SPMIP2: variants seen among roughly 807,000 people sequenced by gnomAD.
SPMIP2 encodes protein SPMIP2.
chr4:158,928,975 C>G, the SPMIP2 span, among the ~76,000 whole-genome samples: 1 of 152,162 alleles, frequency 6.6e-6, no homozygotes, highest in African/African-American at 2.4e-5. Flanking sequence ...ACTCCAGACG[C>G]GCCACCTTAA....
chr4:159,008,626 G>T, the SPMIP2 span, among the ~76,000 whole-genome samples: 15 of 152,156 alleles, frequency 9.9e-5, no homozygotes, highest in African/African-American at 3.4e-4. Flanking sequence ...CCCATTTTAA[G>T]CAGCTGGTAA....
At chr4:158,904,426 C>T in the SPMIP2 span, 25 of 1,482,138 alleles carry the variant, frequency 1.7e-5, no homozygotes, top group African/African-American at 2.8e-4. Context: ...TAAAACCATG[C>T]TCTTTTAAAG....
the SPMIP2 span, among the ~76,000 whole-genome samples, chr4:158,981,491 G>A: frequency 6.6e-6 from 1 of 152,186 alleles, no homozygotes; most frequent in African/African-American, 2.4e-5. Context: ...ATGCCCATCA[G>A]ACTCACAGTG....
the SPMIP2 span, among the ~76,000 whole-genome samples, chr4:158,946,021 C>T: frequency 2.6e-5 from 4 of 152,274 alleles, no homozygotes; most frequent in East Asian, 5.8e-4. Flanking sequence ...GTAAGAGATA[C>T]AGGTCTCTCC....
chr4:158,893,674 A>C, the SPMIP2 span: 1 of 1,582,360 alleles, frequency 6.3e-7, no homozygotes, highest in Non-Finnish European at 8.6e-7. Flanking sequence ...CTCCTTCTAA[A>C]AGCAGGTTGA....
the SPMIP2 span, among the ~76,000 whole-genome samples, chr4:159,080,335 A>C: frequency 6.6e-6 from 1 of 151,514 alleles, no homozygotes; most frequent in Non-Finnish European, 1.5e-5. Flanking sequence ...TCCCACCTCC[A>C]CCTCCCAAGT....
chr4:158,928,011 T>G, the SPMIP2 span, among the ~76,000 whole-genome samples: 1 of 152,198 alleles, frequency 6.6e-6, no homozygotes, highest in Non-Finnish European at 1.5e-5. Flanking sequence ...CTGTGCAGCC[T>G]GAACCTCCTC....
At chr4:158,914,719 T>C in the SPMIP2 span, among the ~76,000 whole-genome samples, 1 of 152,208 alleles carries the variant, frequency 6.6e-6, no homozygotes, top group African/African-American at 2.4e-5. Context: ...ATTTTACTTA[T>C]AAAAACCCAT....
At chr4:159,028,582 C>T in the SPMIP2 span, among the ~76,000 whole-genome samples, 1 of 152,138 alleles carries the variant, frequency 6.6e-6, no homozygotes, top group South Asian at 2.1e-4. Flanking sequence ...CCTCCCACCT[C>T]TTCCTTCCAA....
chr4:158,967,266 T>C, the SPMIP2 span, among the ~76,000 whole-genome samples: 1 of 152,178 alleles, frequency 6.6e-6, no homozygotes, highest in East Asian at 1.9e-4. Context: ...TATATTATTT[T>C]CAAGAAAAAG....
At chr4:158,969,642 T>C in the SPMIP2 span, among the ~76,000 whole-genome samples, 1 of 152,180 alleles carries the variant, frequency 6.6e-6, no homozygotes, top group Non-Finnish European at 1.5e-5. Flanking sequence ...CCAGATGATC[T>C]GCAGAACCCC....
At chr4:158,901,999 A>G in the SPMIP2 span, among the ~76,000 whole-genome samples, 1 of 151,918 alleles carries the variant, frequency 6.6e-6, no homozygotes, top group African/African-American at 2.4e-5. Context: ...CAATTCATCA[A>G]ACTCAATTCT....
the SPMIP2 span, chr4:159,026,387 C>T: frequency 1.2e-6 from 1 of 857,320 alleles, no homozygotes; most frequent in Non-Finnish European, 1.9e-6. Context: ...TACAACTTTA[C>T]AGATGGATCA....
the SPMIP2 span, among the ~76,000 whole-genome samples, chr4:158,908,317 G>A: frequency 2.1e-4 from 32 of 152,048 alleles, no homozygotes; most frequent in Admixed American, 1.9e-3. Flanking sequence ...CACCTCCTGC[G>A]TAACCCTTAA....
chr4:159,041,172 C>CT, the SPMIP2 span, among the ~76,000 whole-genome samples: 1 of 152,204 alleles, frequency 6.6e-6, no homozygotes, highest in Non-Finnish European at 1.5e-5. Context: ...TCATTTAACT[C>CT]TAATTTGGGT....
chr4:159,048,411 G>A, the SPMIP2 span, among the ~76,000 whole-genome samples: 12 of 152,254 alleles, frequency 7.9e-5, no homozygotes, highest in South Asian at 2.3e-3. Flanking sequence ...TCAGTTCCCT[G>A]GAAAATGTTC....
chr4:158,925,943 C>T, the SPMIP2 span, among the ~76,000 whole-genome samples: 1 of 152,316 alleles, frequency 6.6e-6, no homozygotes, highest in Admixed American at 6.5e-5. Context: ...TGTGTCCTCA[C>T]AGGGTGGAAG....
At chr4:159,061,856 C>A in the SPMIP2 span, among the ~76,000 whole-genome samples, 1 of 149,808 alleles carries the variant, frequency 6.7e-6, no homozygotes. Flanking sequence ...GCAGGAGCAC[C>A]ATGGAAACTG....
chr4:158,956,624 G>A, the SPMIP2 span, among the ~76,000 whole-genome samples: 37,636 of 152,164 alleles, frequency 0.25, 5,884 homozygotes, highest in East Asian at 0.33. Context: ...TAGGATGTGA[G>A]CTCTGTGACC....
Sources: gnomAD v4.1 joint callset for allele counts (sites outside exome capture counted in the v4.1 genomes callset) on GRCh38, gnomAD v4.1.1 for gene constraint, MANE v1.5 for transcripts, NCBI Gene and HGNC (gene_info 2026-07-23, HGNC 2026-07-21) for gene names.